SH3BP2: variants seen among roughly 807,000 people sequenced by gnomAD.
The protein encoded by SH3BP2 is SH3 domain binding protein 2.
SH3BP2 carries 38 observed loss-of-function variants against 56.2 expected under a neutral mutation model. That is an observed-to-expected ratio of 0.68 (90% CI 0.52 to 0.89). The LOEUF (loss-of-function observed/expected upper bound fraction) is 0.89, where lower values mean the gene tolerates loss of function less well. SH3BP2 is among the 40% of genes least tolerant of loss of function. The pLI is 0.00. For synonymous variants in SH3BP2, 346 were observed against 316.7 expected, an observed-to-expected ratio of 1.09 and a Z score of -0.98; for missense variants, 748 against 762.6, an observed-to-expected ratio of 0.98 and a Z score of 0.23.
intron 12 of SH3BP2, chr4:2,833,456 C>T (rs1234966764): frequency 1.6e-6 from 1 of 610,518 alleles, no homozygotes; most frequent in African/African-American, 1.8e-5. Context: ...ATTTCCTGAC[C>T]TTGTCTGAAG....
At chr4:2,818,892 G>A in intron 1 of SH3BP2, 1 of 985,552 alleles carries the variant, frequency 1.0e-6, no homozygotes, top group Non-Finnish European at 1.2e-6. Context: ...TTGTTGGAGG[G>A]TGCTGGTTTG....
At chr4:2,832,605 A>G (rs1725051086) in intron 11 of SH3BP2, among the ~76,000 whole-genome samples, 193 bp downstream of exon 11, 1 of 152,166 alleles carries the variant, frequency 6.6e-6, no homozygotes, top group Non-Finnish European at 1.5e-5. Context: ...ATTGGGGGCC[A>G]TGATGGCCAC....
intron 1 of SH3BP2, among the ~76,000 whole-genome samples, chr4:2,803,652 C>T (rs10001883): frequency 0.23 from 35,681 of 152,094 alleles, 4,727 homozygotes; most frequent in African/African-American, 0.36. Flanking sequence ...GGGCATGTGG[C>T]CTGGACTGGC....
At chr4:2,805,820 C>T (rs1488693406) in intron 1 of SH3BP2, among the ~76,000 whole-genome samples, 1 of 152,008 alleles carries the variant, frequency 6.6e-6, no homozygotes, top group Non-Finnish European at 1.5e-5. Flanking sequence ...AAGGGCGGGG[C>T]AGAGGAGGTG....
At position 2,831,912 on chromosome 4, in the gene SH3BP2, G is replaced by A. The variant is rs755753069; in HGVS notation, c.1351-11G>A. 1 of 1,612,464 alleles carries A rather than the reference G, an allele frequency of 6.2e-7. No individual in the cohort carries two copies. The highest frequency in any genetic ancestry group is 8.5e-7 in the Non-Finnish European group (1 of 1,179,934). On this transcript the variant is annotated splice_polypyrimidine_tract_variant and intron_variant, in intron 9 of 12. Transcript: ENST00000503393. The surrounding 1 kb of genome is among the most constrained non-coding windows in gnomAD (Gnocchi z 4.1). ...TCCGACGTTGGCACTGACACCGTCAGCCTCTTGCAGGTGCCACTGCCCAAC... is the reference window on the plus strand; with the variant it reads ...TCCGACGTTGGCACTGACACCGTCAACCTCTTGCAGGTGCCACTGCCCAAC...
At position 2,834,904 on chromosome 4, in the gene SH3BP2, T is replaced by A. The variant is rs563778365; in HGVS notation, c.*1070T>A. On this transcript the variant is annotated 3_prime_UTR_variant, in exon 13 of 13. Transcript: ENST00000503393. ...TTTTTGGAGGAAGTAACAGCTACGA[T>A]GGGATGGGAACAGTGGACCCTAAGC... The A allele has an allele frequency of 1.3e-5, 2 of 152,602 alleles. No individual in the cohort carries two copies. The highest frequency in any genetic ancestry group is 6.5e-5 in the Admixed American group (1 of 15,272). 9.5% of individuals were successfully genotyped at this position (152,602 alleles called of 1,614,324 possible). A position where few individuals can be genotyped will look rare whatever the true frequency, so the allele number is the denominator to read the frequency against.
Position 2,810,898 on chromosome 4 carries a change from A to G in SH3BP2, c.-4-9716A>G, listed in dbSNP as rs1723721288. ...AGGAAAGAGAATGGGAAGAGGCCCC[A>G]CTCTGTCCGTGCCCTCCTCGCTGCC... On this transcript the variant is annotated intron_variant, in intron 1 of 12. Transcript: ENST00000503393. The surrounding 1 kb of genome is among the most constrained non-coding windows in gnomAD (Gnocchi z 4.2). 6.6e-6 allele frequency among the ~76,000 whole-genome samples: 1 copy of G among 152,082 alleles called. No homozygotes were observed. Among genetic ancestry groups the G allele is most frequent in the South Asian group, 2.1e-4 (1 of 4,812 alleles).
At chr4:2,815,869 A>G (rs966905113) in intron 1 of SH3BP2, among the ~76,000 whole-genome samples, 2 of 152,204 alleles carry the variant, frequency 1.3e-5, no homozygotes, top group Non-Finnish European at 2.9e-5. Context: ...TGTTAGGGGC[A>G]GAGAAGGCTA....
chr4:2,800,313 A>G (rs551018015), intron 1 of SH3BP2, among the ~76,000 whole-genome samples: 1 of 152,102 alleles, frequency 6.6e-6, no homozygotes, highest in South Asian at 2.1e-4. Flanking sequence ...CTGGGGAGGG[A>G]AAGGGCATCC....
chr4:2,798,141 C>T (rs1024241360), intron 1 of SH3BP2, among the ~76,000 whole-genome samples: 8 of 152,140 alleles, frequency 5.3e-5, no homozygotes, highest in Admixed American at 2.0e-4. Context: ...GGCCTGGTCT[C>T]GGTGGCCCTG....
At chr4:2,802,114 A>AG (rs559091051) in intron 1 of SH3BP2, among the ~76,000 whole-genome samples, 55 of 151,986 alleles carry the variant, frequency 3.6e-4, no homozygotes, top group Non-Finnish European at 6.6e-4. Flanking sequence ...TCAAAAAAAA[A>AG]GGGGCCGGGC....
rs575827468 is a variant in SH3BP2, at chr4:2,833,898, C to T, written c.*64C>T. On this transcript the variant is annotated 3_prime_UTR_variant, in exon 13 of 13. Transcript: ENST00000503393. Reference sequence around the variant, plus strand: ...GGGCCCTGACCCCAGGCCACACAGACGGACATGGGCCCACATGGGAGGGTG... The same window carrying T: ...GGGCCCTGACCCCAGGCCACACAGATGGACATGGGCCCACATGGGAGGGTG... The T allele has an allele frequency of 2.5e-4, 380 of 1,498,752 alleles. No individual in the cohort carries two copies. The highest frequency in any genetic ancestry group is 3.1e-4 in the Non-Finnish European group (342 of 1,120,368). 92.8% of individuals were successfully genotyped at this position (1,498,752 alleles called of 1,614,324 possible). A position where few individuals can be genotyped will look rare whatever the true frequency, so the allele number is the denominator to read the frequency against.
rs1723090072 is a variant in SH3BP2, at chr4:2,797,082, C to T, written c.-5+3944C>T. On this transcript the variant is annotated intron_variant, in intron 1 of 12. Coordinates refer to ENST00000503393, the MANE Select transcript of SH3BP2 (RefSeq NM_001122681.2). ...GCAGCTCCGTTTGGGGGAGTTCCTT[C>T]AGCCTCGATCCAGGGGTGTTGTAAT... Among the ~76,000 whole-genome samples the T allele has an allele frequency of 2.0e-5, 3 of 152,194 alleles. No individual in the cohort carries two copies. In the South Asian group the frequency reaches 6.2e-4, roughly 31 times the overall value.
Position 2,831,753 on chromosome 4 carries a change from C to A in SH3BP2, c.1350+74C>A. ...GTGGTGGGAAAGCCATAGGCCAGGG[C>A]GGCCCCTCACAGACCGTCCTGAGCA... On this transcript the variant is annotated intron_variant, in intron 9 of 12. Coordinates refer to ENST00000503393, the MANE Select transcript of SH3BP2 (RefSeq NM_001122681.2). This position sits in a 1 kb window ranked among gnomAD's most constrained non-coding sequence, Gnocchi z 4.1. 7.1e-7 allele frequency: 1 copy of A among 1,404,002 alleles called. No individual in the cohort carries two copies. The highest frequency in any genetic ancestry group is 9.9e-7 in the Non-Finnish European group (1 of 1,010,496). 87.0% of individuals were successfully genotyped at this position (1,404,002 alleles called of 1,614,324 possible).
chr4:2,829,788 C>G lies in SH3BP2; in HGVS notation c.882C>G (p.Pro294=), dbSNP rs141046147. ...CCACCGCACCCGGCCTCCGGAAACCCCCTTGCTTCCGGGAGAGTGCCAGCC... is the reference window on the plus strand; with the variant it reads ...CCACCGCACCCGGCCTCCGGAAACCGCCTTGCTTCCGGGAGAGTGCCAGCC... The part of the protein sequence containing the change: ...TMPTAPGLRK[P]PCFRESASPS... The change falls in exon 8 of 13, where the codon CCC becomes CCG. Residue 294 remains proline, a synonymous_variant. Transcript: ENST00000503393. This position sits in a 1 kb window ranked among gnomAD's most constrained non-coding sequence, Gnocchi z 4.9. The G allele has an allele frequency of 1.9e-6, 3 of 1,613,264 alleles. No individual in the cohort carries two copies. The highest frequency in any genetic ancestry group is 1.7e-6 in the Non-Finnish European group (2 of 1,179,914).
At chr4:2,794,788 C>T (rs1020483577) in intron 1 of SH3BP2, among the ~76,000 whole-genome samples, 1 of 152,184 alleles carries the variant, frequency 6.6e-6, no homozygotes, top group South Asian at 2.1e-4. Flanking sequence ...CCTTTCTGCC[C>T]ACATGGACAG....
intron 1 of SH3BP2, among the ~76,000 whole-genome samples, chr4:2,807,282 A>T (rs765605164): frequency 6.6e-6 from 1 of 152,124 alleles, no homozygotes; most frequent in Non-Finnish European, 1.5e-5. Context: ...AATTAGCGCT[A>T]AGTCACAATT....
At chr4:2,819,857 T>G in intron 1 of SH3BP2, among the ~76,000 whole-genome samples, 1 of 145,026 alleles carries the variant, frequency 6.9e-6, no homozygotes. Flanking sequence ...GGAGCATGAG[T>G]AAGGGGGGCT....
chr4:2,795,537 T>G (rs1300630136), intron 1 of SH3BP2, among the ~76,000 whole-genome samples: 1 of 151,970 alleles, frequency 6.6e-6, no homozygotes, highest in Non-Finnish European at 1.5e-5. Flanking sequence ...GCAGCCTGGG[T>G]GGGTGAGGAG....
Sources: allele counts gnomAD v4.1 joint callset (sites outside exome capture counted in the v4.1 genomes callset), GRCh38; gene constraint gnomAD v4.1.1; non-coding constraint Gnocchi (gnomAD v3.1); transcripts MANE v1.5; gene names NCBI Gene and HGNC (gene_info 2026-07-23, HGNC 2026-07-21).